Variants in PDPR observed in about 807,000 individuals in gnomAD.
PDPR encodes the protein pyruvate dehydrogenase phosphatase regulatory subunit, also known as pyruvate dehydrogenase phosphatase regulatory subunit, mitochondrial.
PDPR carries 50 observed loss-of-function variants against 102.2 expected under a neutral mutation model. That is an observed-to-expected ratio of 0.49 (90% CI 0.39 to 0.62). PDPR has a LOEUF of 0.62. Among genes scored for constraint, PDPR ranks in the 20% least tolerant of loss-of-function variants. The pLI, the probability that PDPR is intolerant of heterozygous loss-of-function variation, is 0.00. For missense variants in PDPR, 625 were observed against 1,098.2 expected, an observed-to-expected ratio of 0.57 and a Z score of 6.09; for synonymous variants, 259 against 406.0, an observed-to-expected ratio of 0.64 and a Z score of 4.35.
chr16:70,137,775 T>G (rs977997939), intron 10 of PDPR, among the ~76,000 whole-genome samples: 4 of 152,292 alleles, frequency 2.6e-5, no homozygotes, highest in Admixed American at 6.5e-5. Flanking sequence ...AAAGGAGATG[T>G]GGTCACGTAA....
In PDPR at chr16:70,160,205, GTTC is replaced by G. The variant is rs1410145825; in HGVS notation, c.*3329_*3331del. ...CATCGTCAGGCCACGTGTGACTTCT[GTTC>G]TTAGCACTGCCAGGGTCATTGACTT... On this transcript the variant is annotated 3_prime_UTR_variant, in exon 19 of 19. Transcript: ENST00000288050. 55 of 152,682 alleles carry G rather than the reference GTTC, an allele frequency of 3.6e-4. No homozygotes were observed. The highest frequency in any genetic ancestry group is 1.1e-3 in the African/African-American group (46 of 41,462). 9.5% of individuals were successfully genotyped at this position (152,682 alleles called of 1,614,324 possible). A position where few individuals can be genotyped will look rare whatever the true frequency, so the allele number is the denominator to read the frequency against.
chr16:70,157,346 A>C lies in PDPR; in HGVS notation c.*467A>C, dbSNP rs1022679743. ...TGTGTCGGATGCAGCCCTGAGGGGC[A>C]GCTCGTGCCTGCAGCCCGGCAGCTC... On this transcript the variant is annotated 3_prime_UTR_variant, in exon 19 of 19. Coordinates refer to ENST00000288050, the MANE Select transcript of PDPR (RefSeq NM_017990.5). 6 of 377,798 alleles carry C rather than the reference A, an allele frequency of 1.6e-5. No individual in the cohort carries two copies. Among genetic ancestry groups the C allele is most frequent in the Non-Finnish European group, 2.6e-5 (5 of 192,496 alleles). 23.4% of individuals were successfully genotyped at this position (377,798 alleles called of 1,614,324 possible).
At chr16:70,124,733 G>C (rs1281049111) in intron 3 of PDPR, among the ~76,000 whole-genome samples, 58 of 152,342 alleles carry the variant, frequency 3.8e-4, no homozygotes, top group African/African-American at 1.1e-3. Flanking sequence ...ACTCCCACCT[G>C]GGGTGGAGCT....
In PDPR at chr16:70,130,593, A is replaced by AT. The variant is rs762366890; in HGVS notation, c.729+56dup. The AT allele has an allele frequency of 3.4e-5, 55 of 1,610,622 alleles. No individual in the cohort carries two copies. The African/African-American group carries it at 6.8e-4, about 20-fold the overall frequency. Reference sequence around the variant, plus strand: ...TTCTTATTTAACGTTTGTCTCCAAGATTTTTTTGGTGTAGAGAAGTAAGAT... The same window carrying AT: ...TTCTTATTTAACGTTTGTCTCCAAGATTTTTTTTGGTGTAGAGAAGTAAGAT... On this transcript the variant is annotated intron_variant, in intron 7 of 18. Coordinates refer to ENST00000288050, the MANE Select transcript of PDPR (RefSeq NM_017990.5).
downstream of PDPR, among the ~76,000 whole-genome samples, chr16:70,162,877 C>G (rs1198242763): frequency 2.0e-5 from 3 of 152,278 alleles, no homozygotes; most frequent in Admixed American, 2.0e-4. Flanking sequence ...GTGGAAACAA[C>G]CCTGAGAGAA....
At chr16:70,132,001 T>C in intron 8 of PDPR, 150 bp from the exon 9 acceptor site, 1 of 1,556,436 alleles carries the variant, frequency 6.4e-7, no homozygotes, top group Non-Finnish European at 8.7e-7. Flanking sequence ...TTAAAGCTAA[T>C]GAATGCCTGT....
chr16:70,149,243 CCT>C (rs1425358547), intron 17 of PDPR, among the ~76,000 whole-genome samples: 1 of 148,004 alleles, frequency 6.8e-6, no homozygotes, highest in Non-Finnish European at 1.5e-5. Context: ...TATTCTTCAT[CCT>C]GTTTTTTTTT....
At chr16:70,152,337 G>GGTTTAGTA (rs1966799338) in intron 17 of PDPR, among the ~76,000 whole-genome samples, 1 of 152,288 alleles carries the variant, frequency 6.6e-6, no homozygotes, top group South Asian at 2.1e-4. Flanking sequence ...TGGTCAACAT[G>GGTTTAGTA]GCGAAACCTC....
Position 70,120,664 on chromosome 16 carries a change from G to T in PDPR, c.172G>T (p.Ala58Ser). 1 of 1,613,892 alleles carries T rather than the reference G, an allele frequency of 6.2e-7. No individual in the cohort carries two copies. Residue 58 changes from alanine (A) to serine (S), a missense_variant, in exon 3 of 19, where the codon GCC (alanine) becomes TCC (serine). Ala to Ser is a moderately conservative substitution (Grantham distance 99). This residue lies in a region of PDPR where 84 missense variants were observed against 87.7 expected (regional missense o/e 0.96). Transcript: ENST00000288050. Reference sequence around the variant, plus strand: ...AGGTGGAATCACGGGCACTTCTGTGGCCTATCACCTCTCCAAAATGGGGTG... The same window carrying T: ...AGGTGGAATCACGGGCACTTCTGTGTCCTATCACCTCTCCAAAATGGGGTG... ...CGGGITGTSV[A>S]YHLSKMGWKD...
At chr16:70,132,819 T>TGTG (rs1555524183) in intron 9 of PDPR, among the ~76,000 whole-genome samples, 1 of 151,684 alleles carries the variant, frequency 6.6e-6, no homozygotes, top group African/African-American at 2.4e-5. Flanking sequence ...CTCTATCATT[T>TGTG]TGTGTGTGTG....
upstream of PDPR, chr16:70,114,101 G>C (rs542129255): frequency 6.6e-6 from 1 of 152,284 alleles, no homozygotes; most frequent in Non-Finnish European, 1.5e-5. Flanking sequence ...TAAGAGTCAA[G>C]GCTTCCACAG....
At chr16:70,147,138 G>T (rs904447853) in intron 16 of PDPR, among the ~76,000 whole-genome samples, 1 of 121,796 alleles carries the variant, frequency 8.2e-6, no homozygotes. Flanking sequence ...GTTTCACCAT[G>T]TTTGCCAGGC....
intron 17 of PDPR, among the ~76,000 whole-genome samples, chr16:70,151,289 C>CT (rs1282443587): frequency 2.0e-5 from 3 of 152,342 alleles, no homozygotes; most frequent in Admixed American, 6.5e-5. Flanking sequence ...AGGCTGGACT[C>CT]TAACTCCAGC....
Position 70,156,235 on chromosome 16 carries a change from T to G in PDPR, c.2236-240T>G, listed in dbSNP as rs1203017946. The G allele has an allele frequency of 1.1e-4, 63 of 562,546 alleles. No homozygotes were observed. In the East Asian group the frequency reaches 2.0e-3, roughly 18 times the overall value. The allele number at this position is 562,546 out of a possible 1,614,324, so 34.8% of individuals were successfully genotyped here. ...ATCTGGTCTTGTGACTTTATGTTTATAAAATAGGAAACAAAATGCGTACCT... is the reference window on the plus strand; with the variant it reads ...ATCTGGTCTTGTGACTTTATGTTTAGAAAATAGGAAACAAAATGCGTACCT... On this transcript the variant is annotated intron_variant, in intron 18 of 18. Transcript: ENST00000288050.
intron 17 of PDPR, among the ~76,000 whole-genome samples, chr16:70,151,159 C>CT (rs1966707558): frequency 1.3e-5 from 2 of 152,280 alleles, no homozygotes; most frequent in Admixed American, 1.3e-4. Flanking sequence ...TGGTCTCAAT[C>CT]GCCTGACCTC....
chr16:70,116,035 CTT>C (rs1361602591), intron 2 of PDPR, among the ~76,000 whole-genome samples: 1 of 149,992 alleles, frequency 6.7e-6, no homozygotes, highest in Non-Finnish European at 1.5e-5. Context: ...CCACTTCACT[CTT>C]TTGAAGGTCA....
chr16:70,135,219 C>G (rs1964996189), intron 9 of PDPR, among the ~76,000 whole-genome samples: 1 of 151,158 alleles, frequency 6.6e-6, no homozygotes, highest in Non-Finnish European at 1.5e-5. Context: ...TGCAGCTATT[C>G]CAATGCAGAA....
chr16:70,119,726 G>T (rs2549085), intron 2 of PDPR, among the ~76,000 whole-genome samples: 3 of 147,856 alleles, frequency 2.0e-5, no homozygotes, highest in Non-Finnish European at 4.4e-5. Context: ...ACTCTATCAT[G>T]TTAGCTTTAT....
chr16:70,138,207 ATTTTT>A (rs1201065640), intron 10 of PDPR, among the ~76,000 whole-genome samples: 2,001 of 93,732 alleles, frequency 0.021, 15 homozygotes, highest in Non-Finnish European at 0.025. Context: ...ACGCCGGCTA[ATTTTT>A]TTTTTTTTTT....
Sources: gnomAD v4.1 joint callset for allele counts (sites outside exome capture counted in the v4.1 genomes callset) on GRCh38, gnomAD v4.1.1 for gene constraint, gnomAD v4.1.1 regional missense constraint, MANE v1.5 for transcripts, NCBI Gene and HGNC (gene_info 2026-07-23, HGNC 2026-07-21) for gene names.